The following TNFSF13B variants were observed in gnomAD, a reference collection of about 807,000 sequenced individuals.
TNFSF13B encodes the protein TNF superfamily member 13b, also known as tumor necrosis factor ligand superfamily member 13B.
A neutral mutation model predicts 29.1 loss-of-function variants in TNFSF13B; 8 were observed. That is an observed-to-expected ratio of 0.27 (90% CI 0.16 to 0.50). TNFSF13B has a LOEUF of 0.50. Among genes scored for constraint, TNFSF13B ranks in the 20% least tolerant of loss-of-function variants. TNFSF13B has a pLI of 0.98. For synonymous variants in TNFSF13B, 125 were observed against 130.8 expected (o/e 0.96, Z 0.30); for missense variants, 248 against 334.9 (o/e 0.74, Z 2.03).
chr13:108,277,165 A>G (rs527730771), intron 2 of TNFSF13B, among the ~76,000 whole-genome samples: 10 of 152,334 alleles, frequency 6.6e-5, no homozygotes, highest in Non-Finnish European at 1.3e-4. Flanking sequence ...TACTTTCTCA[A>G]CAACTCTGTT....
intron 2 of TNFSF13B, among the ~76,000 whole-genome samples, chr13:108,270,755 A>G (rs1880591291): frequency 6.6e-6 from 1 of 152,168 alleles, no homozygotes; most frequent in South Asian, 2.1e-4. Flanking sequence ...TGTGAGAAGC[A>G]TTATTCATCA....
chr13:108,274,366 A>AATAT (rs10583801), intron 2 of TNFSF13B, among the ~76,000 whole-genome samples: 1 of 149,104 alleles, frequency 6.7e-6, no homozygotes, highest in Non-Finnish European at 1.5e-5. Flanking sequence ...TACACATACA[A>AATAT]ATATATATAT....
intron 2 of TNFSF13B, among the ~76,000 whole-genome samples, chr13:108,285,534 A>G (rs1343378569): frequency 6.6e-6 from 1 of 152,250 alleles, no homozygotes; most frequent in Non-Finnish European, 1.5e-5. Context: ...ATTGTATAAT[A>G]ATGCAATGGT....
chr13:108,276,250 C>A (rs1220680135), intron 2 of TNFSF13B, among the ~76,000 whole-genome samples: 1 of 152,204 alleles, frequency 6.6e-6, no homozygotes, highest in African/African-American at 2.4e-5. Flanking sequence ...GGAACAGAAC[C>A]AGCTGGCTGC....
At chr13:108,277,251 A>G (rs1202503239) in intron 2 of TNFSF13B, among the ~76,000 whole-genome samples, 1 of 152,216 alleles carries the variant, frequency 6.6e-6, no homozygotes, top group Non-Finnish European at 1.5e-5. Context: ...CAGCAAGCTA[A>G]TTATTTAATA....
chr13:108,270,950 T>TACACAC (rs138902471), intron 2 of TNFSF13B, among the ~76,000 whole-genome samples: 87 of 150,572 alleles, frequency 5.8e-4, no homozygotes, highest in East Asian at 2.0e-3. Context: ...AAGGTTATTT[T>TACACAC]ACACACACAC....
At position 108,297,494 on chromosome 13, in the gene TNFSF13B, G is replaced by A. The variant is rs1029169546; in HGVS notation, c.482-5759G>A. Reference sequence around the variant, plus strand: ...GTGTACATTCATGACTTTCTTCAGCGTTGGAAAGAGTTTGGCCATTATTTC... The same window carrying A: ...GTGTACATTCATGACTTTCTTCAGCATTGGAAAGAGTTTGGCCATTATTTC... On this transcript the variant is annotated intron_variant, in intron 3 of 5. Coordinates refer to ENST00000375887, the MANE Select transcript of TNFSF13B (RefSeq NM_006573.5). Among the ~76,000 whole-genome samples the A allele has an allele frequency of 1.9e-4, 28 of 145,114 alleles. 5 individuals carry two copies. Among genetic ancestry groups the A allele is most frequent in the Admixed American group, 3.4e-4 (5 of 14,716 alleles).
chr13:108,297,577 C>T (rs1222823038), intron 3 of TNFSF13B, among the ~76,000 whole-genome samples: 1 of 145,514 alleles, frequency 6.9e-6, no homozygotes, highest in Admixed American at 6.8e-5. Flanking sequence ...TCTCATAATG[C>T]CTATGTTCAT....
chr13:108,299,900 G>A (rs1594533317), intron 3 of TNFSF13B, among the ~76,000 whole-genome samples: 2 of 152,068 alleles, frequency 1.3e-5, no homozygotes, highest in South Asian at 4.1e-4. Flanking sequence ...AATGTTAAGA[G>A]ACAGTAAGAA....
intron 3 of TNFSF13B, among the ~76,000 whole-genome samples, chr13:108,293,816 G>A (rs1227514496): frequency 2.0e-5 from 3 of 152,174 alleles, no homozygotes; most frequent in Non-Finnish European, 2.9e-5. Context: ...TTTGTGAATG[G>A]TGGTCTTTTC....
chr13:108,282,116 C>T (rs1880975152), intron 2 of TNFSF13B, among the ~76,000 whole-genome samples: 1 of 152,024 alleles, frequency 6.6e-6, no homozygotes, highest in African/African-American at 2.4e-5. Flanking sequence ...GGAAAAAAAC[C>T]ACACAAAGAG....
Position 108,305,698 on chromosome 13 carries a change from CT to C in TNFSF13B, c.746-1126del, listed in dbSNP as rs376552341. Among the ~76,000 whole-genome samples the C allele has an allele frequency of 1.9e-4, 29 of 152,202 alleles. No homozygotes were observed. The East Asian group carries it at 5.6e-3, about 29-fold the overall frequency. On this transcript the variant is annotated intron_variant, in intron 5 of 5. Transcript: ENST00000375887. ...ATAAGTCCTGAAAAACTTTCTTTTGCTTGTATTCTGTCTTTGCCCATTACAA... is the reference window on the plus strand; with the variant it reads ...ATAAGTCCTGAAAAACTTTCTTTTGCTGTATTCTGTCTTTGCCCATTACAA...
At chr13:108,290,254 C>G (rs2139058053) in intron 3 of TNFSF13B, among the ~76,000 whole-genome samples, 1 of 152,144 alleles carries the variant, frequency 6.6e-6, no homozygotes, top group South Asian at 2.1e-4. Flanking sequence ...GCATAGTATT[C>G]CATTGTATGA....
intron 3 of TNFSF13B, among the ~76,000 whole-genome samples, 180 bp downstream of exon 3, chr13:108,287,039 A>G (rs975838486): frequency 2.1e-5 from 3 of 145,326 alleles, no homozygotes; most frequent in Non-Finnish European, 4.5e-5. Flanking sequence ...AAGCTATCGC[A>G]TGTTCTCACT....
chr13:108,295,086 A>G lies in TNFSF13B; in HGVS notation c.482-8167A>G, dbSNP rs1412929931. Among the ~76,000 whole-genome samples, 4 of 145,462 alleles carry G rather than the reference A, an allele frequency of 2.7e-5. 1 individual carries two copies. Among genetic ancestry groups the G allele is most frequent in the Non-Finnish European group, 6.1e-5 (4 of 65,580 alleles). ...TTTCTTTAATGATTTTATTAATTGG[A>G]GTATTTTCTCTTTTATTGGTCAATG... On this transcript the variant is annotated intron_variant, in intron 3 of 5. Coordinates refer to ENST00000375887, the MANE Select transcript of TNFSF13B (RefSeq NM_006573.5).
rs778414059 is a variant in TNFSF13B at position 108,270,156 on chromosome 13, C to A, written c.261C>A (p.His87Gln). 3 of 1,601,976 alleles carry A rather than the reference C, an allele frequency of 1.9e-6. No homozygotes were observed. Among genetic ancestry groups the A allele is most frequent in the Non-Finnish European group, 2.5e-6 (3 of 1,179,738 alleles). ...ASLRAELQGH[H>Q]AEKLPAGAGA... Reference sequence around the variant, plus strand: ...TCCGGGCAGAGCTGCAGGGCCACCACGCGGAGAAGCTGCCAGCAGGAGCAG... The same window carrying A: ...TCCGGGCAGAGCTGCAGGGCCACCAAGCGGAGAAGCTGCCAGCAGGAGCAG... The change falls in exon 1 of 6, where the codon CAC becomes CAA. Residue 87 changes from histidine to glutamine, a missense_variant. This residue lies in a region of TNFSF13B where 186 missense variants were observed against 196.3 expected (regional missense o/e 0.95). Coordinates refer to ENST00000375887, the MANE Select transcript of TNFSF13B (RefSeq NM_006573.5).
intron 1 of TNFSF13B, 50 bp downstream of exon 1, chr13:108,270,284 T>G (rs769723249): frequency 1.2e-6 from 2 of 1,613,338 alleles, no homozygotes; most frequent in African/African-American, 1.3e-5. Flanking sequence ...CCTACACTGC[T>G]GCCTCTCCCT....
At chr13:108,300,095 G>C (rs941596650) in intron 3 of TNFSF13B, among the ~76,000 whole-genome samples, 1 of 151,962 alleles carries the variant, frequency 6.6e-6, no homozygotes, top group Non-Finnish European at 1.5e-5. Flanking sequence ...AGTGGTTTTA[G>C]AAATTTGTAT....
At chr13:108,270,661 C>T (rs980232135) in intron 2 of TNFSF13B, among the ~76,000 whole-genome samples, 11 of 151,982 alleles carry the variant, frequency 7.2e-5, no homozygotes, top group African/African-American at 2.4e-4. Flanking sequence ...TTTCTCTGTG[C>T]GTGTGTAAGT....
Sources: allele counts gnomAD v4.1 joint callset (sites outside exome capture counted in the v4.1 genomes callset), GRCh38; gene constraint gnomAD v4.1.1; regional missense constraint gnomAD v4.1.1; transcripts MANE v1.5; gene names NCBI Gene and HGNC (gene_info 2026-07-23, HGNC 2026-07-21).